The following UBE2D1 variants were observed in gnomAD, a reference collection of about 807,000 sequenced individuals.
UBE2D1 encodes the protein ubiquitin conjugating enzyme E2 D1.
A neutral mutation model predicts 24.6 loss-of-function variants in UBE2D1; 9 were observed. The observed-to-expected ratio is 0.37, with a 90% CI of 0.22 to 0.64. UBE2D1 has a LOEUF of 0.64. Among genes scored for constraint, UBE2D1 ranks in the 30% least tolerant of loss-of-function variants. The pLI is 0.64. For missense variants in UBE2D1, 87 were observed against 177.1 expected (o/e 0.49, Z 2.89); for synonymous variants, 57 against 57.6 (o/e 0.99, Z 0.04).
intron 1 of UBE2D1, among the ~76,000 whole-genome samples, chr10:58,338,584 T>C (rs1422927329): frequency 6.6e-6 from 1 of 152,236 alleles, no homozygotes; most frequent in Non-Finnish European, 1.5e-5. Context: ...CTATTTTCAT[T>C]ACTTGAAACA....
At chr10:58,365,301 T>C (rs756706913) in intron 5 of UBE2D1, among the ~76,000 whole-genome samples, 1 of 152,134 alleles carries the variant, frequency 6.6e-6, no homozygotes, top group Non-Finnish European at 1.5e-5. Context: ...ACCCCATCTC[T>C]GCAAAAGAAG....
intron 4 of UBE2D1, 28 bp from the exon 5 acceptor site, chr10:58,364,743 A>G (rs747781228): frequency 1.6e-5 from 25 of 1,537,238 alleles, no homozygotes; most frequent in South Asian, 9.0e-5. Context: ...GGTGATTGTC[A>G]TATTTTGTTG....
chr10:58,336,514 T>A (rs940941836), intron 1 of UBE2D1, among the ~76,000 whole-genome samples: 27 of 152,232 alleles, frequency 1.8e-4, no homozygotes. Flanking sequence ...AATCTGTGGA[T>A]CACCTGTTAT....
rs564441015 is a variant in UBE2D1 at position 58,360,572 on chromosome 10, G to C, written c.25-766G>C. On this transcript the variant is annotated intron_variant, in intron 1 of 6. Coordinates refer to ENST00000373910, the MANE Select transcript of UBE2D1 (RefSeq NM_003338.5). ...GGCAGGAAACAGGGTATGAATCAAT[G>C]TTCTAAGTTTCAAAACATGGCCTGA... Among the ~76,000 whole-genome samples the C allele has an allele frequency of 8.5e-4, 130 of 152,294 alleles. 2 individuals are homozygous for C. The South Asian group carries it at 0.026, about 30-fold the overall frequency.
chr10:58,356,744 A>G (rs368615346), intron 1 of UBE2D1, among the ~76,000 whole-genome samples: 2 of 152,208 alleles, frequency 1.3e-5, no homozygotes. Flanking sequence ...ATTGTAATTG[A>G]CAATGGTTTG....
Position 58,361,407 on chromosome 10 carries a change from C to T in UBE2D1, c.88+6C>T. The T allele has an allele frequency of 1.2e-6, 2 of 1,614,142 alleles. No homozygotes were observed. The highest frequency in any genetic ancestry group is 1.7e-6 in the Non-Finnish European group (2 of 1,180,028). Reference sequence around the variant, plus strand: ...TGGACCTGTGGGAGATGACTGTAAGCCTTGCTCTATTTCTGGGATTATGCT... The same window carrying T: ...TGGACCTGTGGGAGATGACTGTAAGTCTTGCTCTATTTCTGGGATTATGCT... On this transcript the variant is annotated splice_donor_region_variant and intron_variant, in intron 2 of 6. Transcript: ENST00000373910.
chr10:58,364,888 G>T lies in UBE2D1; in HGVS notation c.304+12G>T, dbSNP rs766450605. On this transcript the variant is annotated intron_variant, in intron 5 of 6. Transcript: ENST00000373910. ...GACTGTATCAAAAGGTAATTTCATT[G>T]ATCAGGTTTGAAACAGTTGATAACA... 1 of 1,599,390 alleles carries T rather than the reference G, an allele frequency of 6.3e-7. No homozygotes were observed. Among genetic ancestry groups the T allele is most frequent in the Non-Finnish European group, 8.6e-7 (1 of 1,167,842 alleles).
rs1274494437 is a variant in UBE2D1, at chr10:58,369,098, G to A, written c.*333G>A. The A allele has an allele frequency of 5.8e-6, 1 of 173,554 alleles. No individual in the cohort carries two copies. Among genetic ancestry groups the A allele is most frequent in the Non-Finnish European group, 1.2e-5 (1 of 81,816 alleles). The allele number at this position is 173,554 out of a possible 1,614,324, so 10.8% of individuals were successfully genotyped here. A position where few individuals can be genotyped will look rare whatever the true frequency, so the allele number is the denominator to read the frequency against. On this transcript the variant is annotated 3_prime_UTR_variant, in exon 7 of 7. Transcript: ENST00000373910. The stretch of plus-strand genomic sequence containing the variant: ...TTGCTGAAACTAGATGTTTTTACAT[G>A]AGAAATACTGTATGTGTTGTCTAAG...
chr10:58,340,251 A>T lies in UBE2D1; in HGVS notation c.24+5026A>T, dbSNP rs553026879. On this transcript the variant is annotated intron_variant, in intron 1 of 6. Transcript: ENST00000373910. ...TGATGACATTTTGGATAAGCCACCTAGTCAGGCTAAGACTCATTTTCTTTC... is the reference window on the plus strand; with the variant it reads ...TGATGACATTTTGGATAAGCCACCTTGTCAGGCTAAGACTCATTTTCTTTC... Among the ~76,000 whole-genome samples the T allele has an allele frequency of 2.6e-5, 4 of 152,302 alleles. No individual in the cohort carries two copies. In the South Asian group the frequency reaches 8.3e-4, roughly 32 times the overall value.
chr10:58,367,144 G>A (rs138029668), intron 5 of UBE2D1, among the ~76,000 whole-genome samples: 1,599 of 152,150 alleles, frequency 0.011, 30 homozygotes, highest in African/African-American at 0.036. Context: ...GAAAGAGTAC[G>A]AAAATAGAAA....
chr10:58,353,614 T>G (rs1309621110), intron 1 of UBE2D1, among the ~76,000 whole-genome samples: 1 of 152,222 alleles, frequency 6.6e-6, no homozygotes, highest in Non-Finnish European at 1.5e-5. Flanking sequence ...TTTGGATACT[T>G]TGCTAGAATA....
At chr10:58,348,290 T>C (rs917482841) in intron 1 of UBE2D1, among the ~76,000 whole-genome samples, 2 of 152,230 alleles carry the variant, frequency 1.3e-5, no homozygotes, top group Non-Finnish European at 2.9e-5. Flanking sequence ...TTTGACATCT[T>C]TCTATTGAAA....
chr10:58,347,273 A>G (rs1337735050), intron 1 of UBE2D1, among the ~76,000 whole-genome samples: 1 of 152,238 alleles, frequency 6.6e-6, no homozygotes, highest in Non-Finnish European at 1.5e-5. Flanking sequence ...TGGGATGTGA[A>G]GAGAAGAATT....
At chr10:58,346,312 G>C (rs548061274) in intron 1 of UBE2D1, among the ~76,000 whole-genome samples, 3 of 152,026 alleles carry the variant, frequency 2.0e-5, no homozygotes, top group Admixed American at 6.5e-5. Context: ...ATACCCGGCC[G>C]GAATGAACAC....
chr10:58,367,744 T>C (rs545162795), intron 5 of UBE2D1, among the ~76,000 whole-genome samples, 179 bp from the exon 6 acceptor site: 9 of 152,278 alleles, frequency 5.9e-5, no homozygotes, highest in Non-Finnish European at 1.2e-4. Flanking sequence ...ATTTTATAAC[T>C]TTAAAAATTA....
chr10:58,336,445 C>A (rs1839904060), intron 1 of UBE2D1, among the ~76,000 whole-genome samples: 1 of 152,170 alleles, frequency 6.6e-6, no homozygotes, highest in Non-Finnish European at 1.5e-5. Context: ...CTGGTGACAT[C>A]TTTAGGTACA....
rs72797424 is a variant in UBE2D1 at position 58,346,667 on chromosome 10, G to A, written c.24+11442G>A. ...TGGGGAAAAGTGTTGCAGATATGAC[G>A]CTAGAAAGAAGTCACGTCTTGGAAG... is the stretch of plus-strand genomic sequence containing the variant. On this transcript the variant is annotated intron_variant, in intron 1 of 6. Coordinates refer to ENST00000373910, the MANE Select transcript of UBE2D1 (RefSeq NM_003338.5). Among the ~76,000 whole-genome samples, 153 of 152,256 alleles carry A rather than the reference G, an allele frequency of 1.0e-3. No individual in the cohort carries two copies. The East Asian group carries it at 0.013, about 13-fold the overall frequency.
At chr10:58,363,506 A>G (rs1840222867) in intron 3 of UBE2D1, 103 bp from the exon 4 acceptor site, 1 of 740,134 alleles carries the variant, frequency 1.4e-6, no homozygotes, top group Non-Finnish European at 2.1e-6. Context: ...TATTTTAAAC[A>G]TGATGGCATT....
chr10:58,347,033 C>G (rs768405489), intron 1 of UBE2D1, among the ~76,000 whole-genome samples: 1 of 152,210 alleles, frequency 6.6e-6, no homozygotes, highest in Non-Finnish European at 1.5e-5. Flanking sequence ...GCAATCTCTT[C>G]AGATTCCTCC....
Sources: gnomAD v4.1 joint callset for allele counts (sites outside exome capture counted in the v4.1 genomes callset) on GRCh38, gnomAD v4.1.1 for gene constraint, MANE v1.5 for transcripts, NCBI Gene and HGNC (gene_info 2026-07-23, HGNC 2026-07-21) for gene names.